The following TNN variants were observed in gnomAD, a reference collection of about 807,000 sequenced individuals.
TNN encodes the protein tenascin-N.
In TNN, 122 loss-of-function variants were observed where a neutral mutation model predicts 134.4. The ratio of observed to expected loss-of-function variants is 0.91; its 90% CI spans 0.78 to 1.06. TNN has a LOEUF of 1.06. Ranked by LOEUF, TNN falls within the 50% of genes least tolerant of loss-of-function variation. The probability of loss-of-function intolerance (pLI) is 0.00; values close to 1 mark genes in which losing one functional copy is unlikely to be tolerated. For synonymous variants in TNN, 710 were observed against 670.3 expected (o/e 1.06, Z -0.91); for missense variants, 1,739 against 1,699.4 (o/e 1.02, Z -0.41).
rs1675435892 is a variant in TNN at position 175,123,588 on chromosome 1, A to G, written c.2839A>G (p.Met947Val). Reference protein sequence around the residue: ...STVLTGLRPGMEYMVHVWAQK... With the variant: ...STVLTGLRPGVEYMVHVWAQK... ...TGTCCTGACGGGCCTGAGACCAGGC[A>G]TGGAGTACATGGTGCACGTGTGGGC... The change falls in exon 12 of 19, where the codon ATG (methionine) becomes GTG (valine). Residue 947 changes from methionine to valine, a missense_variant. Transcript: ENST00000239462. 6.2e-7 allele frequency: 1 copy of G among 1,614,082 alleles called. No individual in the cohort carries two copies.
intron 6 of TNN, among the ~76,000 whole-genome samples, chr1:175,085,874 C>CAAAAAAA (rs59186260): frequency 1.2e-5 from 1 of 81,558 alleles, no homozygotes; most frequent in African/African-American, 4.7e-5. Context: ...AACTCCATCT[C>CAAAAAAA]AAAAAAAAAA....
intron 12 of TNN, 37 bp downstream of exon 12, chr1:175,123,700 C>G: frequency 1.2e-6 from 2 of 1,611,344 alleles, no homozygotes; most frequent in Non-Finnish European, 1.7e-6. Context: ...ACACCTCACA[C>G]TTATCAGGAG....
rs1315835647 is a variant in TNN, at chr1:175,136,968, G to A, written c.3575G>A (p.Gly1192Glu). The A allele has an allele frequency of 2.5e-6, 4 of 1,613,948 alleles. No homozygotes were observed. The highest frequency in any genetic ancestry group is 4.5e-5 in the East Asian group (2 of 44,902). Residue 1192 changes from glycine to glutamate, a missense_variant, in exon 17 of 19, where the codon GGG becomes GAG. Gly to Glu is a moderately conservative substitution (Grantham distance 98, BLOSUM62 -2). Transcript: ENST00000239462. ...AAGGAGCGGTATAAGCTGACAGTTG[G>A]GAAATACAGAGGCACGGCAGGTGAG... ...SSKERYKLTV[G>E]KYRGTAGDAL...
chr1:175,126,701 G>A (rs891643665), intron 12 of TNN, among the ~76,000 whole-genome samples: 6 of 152,114 alleles, frequency 3.9e-5, no homozygotes, highest in Non-Finnish European at 8.8e-5. Flanking sequence ...ACCTGCCTGG[G>A]AAATGGGGGC....
intron 11 of TNN, 51 bp downstream of exon 11, chr1:175,118,875 C>T: frequency 6.2e-7 from 1 of 1,603,594 alleles, no homozygotes. Context: ...GCAGGTTGAT[C>T]TATTGCAGCT....
intron 9 of TNN, among the ~76,000 whole-genome samples, chr1:175,101,599 C>T (rs575577156): frequency 4.7e-5 from 7 of 149,586 alleles, no homozygotes; most frequent in Admixed American, 1.3e-4. Flanking sequence ...CTGATTGGTG[C>T]GTTTACAATC....
chr1:175,084,771 A>G (rs1375158775), intron 5 of TNN, among the ~76,000 whole-genome samples: 1 of 152,238 alleles, frequency 6.6e-6, no homozygotes, highest in Non-Finnish European at 1.5e-5. Context: ...TTACCACCAC[A>G]GTCTGAATAT....
At chr1:175,083,160 G>T (rs929367340) in intron 4 of TNN, among the ~76,000 whole-genome samples, 2 of 152,174 alleles carry the variant, frequency 1.3e-5, no homozygotes, top group Non-Finnish European at 2.9e-5. Flanking sequence ...CACTCAGATG[G>T]ACCAAGTTAA....
At chr1:175,118,463 C>T in intron 10 of TNN, 98 bp from the exon 11 acceptor site, 2 of 1,430,090 alleles carry the variant, frequency 1.4e-6, no homozygotes, top group South Asian at 1.3e-5. Flanking sequence ...GGAAACCCCA[C>T]ACAACATGAA....
chr1:175,128,020 C>G lies in TNN; in HGVS notation c.3046-12C>G. On this transcript the variant is annotated splice_polypyrimidine_tract_variant and intron_variant, in intron 13 of 18. Transcript: ENST00000239462. The stretch of plus-strand genomic sequence containing the variant: ...GAGTCACTGGCTGTCTAATCTCTCC[C>G]TTGTTTGGTAGGAGATGCAGCTGGG... 2 of 1,614,076 alleles carry G rather than the reference C, an allele frequency of 1.2e-6. No individual in the cohort carries two copies. The highest frequency in any genetic ancestry group is 1.7e-4 in the Middle Eastern group (1 of 6,056).
At chr1:175,138,179 G>C (rs1675863809) in intron 17 of TNN, among the ~76,000 whole-genome samples, 1 of 152,240 alleles carries the variant, frequency 6.6e-6, no homozygotes, top group African/African-American at 2.4e-5. Context: ...GAACTTCTGA[G>C]TGTCTGGGGC....
intron 17 of TNN, among the ~76,000 whole-genome samples, chr1:175,142,681 G>A (rs916002630): frequency 2.2e-4 from 34 of 151,704 alleles, no homozygotes; most frequent in African/African-American, 7.7e-4. Context: ...GCAGTGGCAC[G>A]ATCTTGGCTC....
At position 175,116,799 on chromosome 1, in the gene TNN, T is replaced by G. The variant is rs1675189592; in HGVS notation, c.2120-140T>G. The G allele has an allele frequency of 1.4e-5, 16 of 1,179,456 alleles. No homozygotes were observed. The South Asian group carries it at 2.1e-4, about 15-fold the overall frequency. 73.1% of individuals were successfully genotyped at this position (1,179,456 alleles called of 1,614,324 possible). A position where few individuals can be genotyped will look rare whatever the true frequency, so the allele number is the denominator to read the frequency against. On this transcript the variant is annotated intron_variant, in intron 9 of 18. Transcript: ENST00000239462. ...TCCAGCTGTGGGGATAAGGTCTATA[T>G]CCATGAAACAACTGAAAACCAGCAT...
intron 17 of TNN, 25 bp downstream of exon 17, chr1:175,137,013 C>T (rs370751365): frequency 1.2e-5 from 19 of 1,611,134 alleles, no homozygotes; most frequent in Admixed American, 8.3e-5. Context: ...TTTCTTACTG[C>T]GAAGGTCTCT....
rs747699010 is a variant in TNN, at chr1:175,097,591, C to T, written c.1763C>T (p.Thr588Ile). Residue 588 changes from threonine to isoleucine, a missense_variant, in exon 8 of 19, where the codon ACA (threonine) becomes ATA (isoleucine). Coordinates refer to ENST00000239462, the MANE Select transcript of TNN (RefSeq NM_022093.2). ...VGKEQSSTVLTGLRPGVEYTV... is the reference protein window; with the variant it reads ...VGKEQSSTVLIGLRPGVEYTV... ...AAGGAGCAGAGCAGCACTGTCCTGA[C>T]AGGCCTGAGGCCAGGTGTGGAGTAC... is the stretch of plus-strand genomic sequence containing the variant. 3 of 1,614,214 alleles carry T rather than the reference C, an allele frequency of 1.9e-6. No homozygotes were observed. The highest frequency in any genetic ancestry group is 2.5e-6 in the Non-Finnish European group (3 of 1,180,044).
At chr1:175,141,637 C>T (rs1363934859) in intron 17 of TNN, among the ~76,000 whole-genome samples, 8 of 152,182 alleles carry the variant, frequency 5.3e-5, no homozygotes, top group African/African-American at 1.2e-4. Flanking sequence ...ACAGGGGATG[C>T]GATGTTAATG....
chr1:175,077,913 TTG>T, intron 2 of TNN, 86 bp downstream of exon 2: 1 of 1,370,838 alleles, frequency 7.3e-7, no homozygotes, highest in South Asian at 1.4e-5. Flanking sequence ...CATGAGCACT[TTG>T]TGACTCTGGT....
intron 8 of TNN, 124 bp downstream of exon 8, chr1:175,097,807 A>C: frequency 1.5e-6 from 2 of 1,351,320 alleles, no homozygotes; most frequent in Non-Finnish European, 2.0e-6. Flanking sequence ...GATGAAAGAA[A>C]GACTGAGCTC....
Position 175,136,848 on chromosome 1 carries a change from C to G in TNN, c.3455C>G (p.Thr1152Ser), listed in dbSNP as rs375546114. 1.5e-5 allele frequency: 24 copies of G among 1,613,948 alleles called. No individual in the cohort carries two copies. The African/African-American group carries it at 3.1e-4, about 21-fold the overall frequency. ...LGLDKLHNLT[T>S]GTPARYEVRV... ...CTTGACAAGCTACACAACCTCACCA[C>G]CGGCACTCCAGCGCGGTATGAGGTG... is the stretch of plus-strand genomic sequence containing the variant. The change falls in exon 17 of 19, where the codon ACC becomes AGC. Residue 1152 changes from threonine (T) to serine (S), a missense_variant. Transcript: ENST00000239462.
Sources: gnomAD v4.1 joint callset for allele counts (sites outside exome capture counted in the v4.1 genomes callset) on GRCh38, gnomAD v4.1.1 for gene constraint, MANE v1.5 for transcripts, NCBI Gene and HGNC (gene_info 2026-07-23, HGNC 2026-07-21) for gene names.